MGAT4C: variants seen among roughly 807,000 people sequenced by gnomAD.
MGAT4C encodes the protein MGAT4 family member C.
In MGAT4C, 19 loss-of-function variants were observed where a neutral mutation model predicts 40.1. The ratio of observed to expected loss-of-function variants is 0.47; its 90% confidence interval spans 0.33 to 0.70. The LOEUF (loss-of-function observed/expected upper bound fraction) is 0.70. Ranked by LOEUF, MGAT4C falls within the 30% of genes least tolerant of loss-of-function variation. The pLI, the probability that MGAT4C is intolerant of heterozygous loss-of-function variation, is 0.02. For synonymous variants in MGAT4C, 181 were observed against 187.1 expected (o/e 0.97, Z 0.27); for missense variants, 491 against 563.2 (o/e 0.87, Z 1.30).
intron 1 of MGAT4C, among the ~76,000 whole-genome samples, chr12:86,085,767 C>A (rs1387510686): frequency 1.3e-5 from 2 of 152,084 alleles, no homozygotes; most frequent in African/African-American, 2.4e-5. Context: ...TACATTTATG[C>A]AGCCAACACA....
chr12:86,488,562 T>C (rs1592907975), intron 2 of MGAT4C, among the ~76,000 whole-genome samples: 2 of 152,196 alleles, frequency 1.3e-5, no homozygotes, highest in East Asian at 1.9e-4. Flanking sequence ...ATTTATTCTG[T>C]CCTTTATATA....
At chr12:86,213,780 A>C (rs1309461042) in intron 1 of MGAT4C, among the ~76,000 whole-genome samples, 2 of 152,220 alleles carry the variant, frequency 1.3e-5, no homozygotes, top group East Asian at 3.9e-4. Flanking sequence ...AAGGGGATAG[A>C]CCCATAGTAG....
At chr12:86,362,524 G>T (rs558572569) in intron 3 of MGAT4C, among the ~76,000 whole-genome samples, 1 of 152,154 alleles carries the variant, frequency 6.6e-6, no homozygotes, top group Admixed American at 6.5e-5. Context: ...GTCGGATATT[G>T]TCAGACTGGA....
At chr12:86,386,441 C>T (rs1366923677) in intron 3 of MGAT4C, among the ~76,000 whole-genome samples, 1 of 152,146 alleles carries the variant, frequency 6.6e-6, no homozygotes, top group African/African-American at 2.4e-5. Context: ...ACAGGAAGTG[C>T]TCACTGATGA....
chr12:86,264,636 G>A (rs1419367048), intron 4 of MGAT4C, among the ~76,000 whole-genome samples: 1 of 152,202 alleles, frequency 6.6e-6, no homozygotes, highest in Non-Finnish European at 1.5e-5. Flanking sequence ...GCTCTTGGGG[G>A]CCAGGGACAG....
At chr12:86,335,946 C>A (rs1050517558) in intron 3 of MGAT4C, among the ~76,000 whole-genome samples, 3 of 152,090 alleles carry the variant, frequency 2.0e-5, no homozygotes, top group Non-Finnish European at 2.9e-5. Flanking sequence ...CTTGCTGAAG[C>A]GTCCCACTGC....
intron 1 of MGAT4C, among the ~76,000 whole-genome samples, chr12:86,181,857 A>C (rs2135869165): frequency 6.6e-6 from 1 of 152,140 alleles, no homozygotes; most frequent in South Asian, 2.1e-4. Context: ...TTTTCTGTTA[A>C]AATACATATT....
chr12:86,658,906 C>T (rs11609218), intron 2 of MGAT4C, among the ~76,000 whole-genome samples: 20,378 of 152,040 alleles, frequency 0.13, 2,153 homozygotes, highest in African/African-American at 0.3. Flanking sequence ...GAGTTCACAT[C>T]TTCCCTCTGC....
chr12:86,243,521 A>G (rs1275366484), intron 1 of MGAT4C, among the ~76,000 whole-genome samples: 3 of 152,198 alleles, frequency 2.0e-5, no homozygotes, highest in African/African-American at 7.2e-5. Flanking sequence ...GTAAGATTCC[A>G]TTTTAGCAGA....
Position 85,980,212 on chromosome 12 carries a change from T to C in MGAT4C, c.514A>G (p.Ile172Val). The part of the protein sequence containing the change: ...HHIIAGRLMV[I>V]HAPEEYYPIL... ...GGGTAATACTCCTCTGGAGCATGTA[T>C]AACCATTAATCTTCCTGCAATAATA... Residue 172 changes from isoleucine (I) to valine (V), a missense_variant, in exon 5 of 5, where the codon ATA (isoleucine) becomes GTA (valine). By Grantham distance (29) the Ile-to-Val change is conservative (BLOSUM62 3). Transcript: ENST00000611864. 6.2e-7 allele frequency: 1 copy of C among 1,613,910 alleles called. No homozygotes were observed. The highest frequency in any genetic ancestry group is 8.5e-7 in the Non-Finnish European group (1 of 1,179,872).
At chr12:86,568,780 T>C (rs961745661) in intron 2 of MGAT4C, among the ~76,000 whole-genome samples, 1 of 151,942 alleles carries the variant, frequency 6.6e-6, no homozygotes, top group Non-Finnish European at 1.5e-5. Flanking sequence ...TTTACGTATA[T>C]ACAGACAACT....
intron 2 of MGAT4C, among the ~76,000 whole-genome samples, chr12:86,705,508 G>C (rs1011252443): frequency 6.7e-6 from 1 of 150,074 alleles, no homozygotes; most frequent in African/African-American, 2.5e-5. Flanking sequence ...ATGGATCCCA[G>C]GTAAAGAAAA....
Position 85,980,232 on chromosome 12 carries a change from A to G in MGAT4C, c.494T>C (p.Ile165Thr), listed in dbSNP as rs1884403625. 6.2e-7 allele frequency: 1 copy of G among 1,613,806 alleles called. No individual in the cohort carries two copies. Among genetic ancestry groups the G allele is most frequent in the Non-Finnish European group, 8.5e-7 (1 of 1,179,884 alleles). Residue 165 changes from isoleucine (I) to threonine (T), a missense_variant, in exon 5 of 5, where the codon ATT becomes ACT. Ile to Thr is a moderately conservative substitution (Grantham distance 89). Coordinates refer to ENST00000611864, the MANE Select transcript of MGAT4C (RefSeq NM_001351288.2). ...DITQKFAHHI[I>T]AGRLMVIHAP... ...ATGTATAACCATTAATCTTCCTGCA[A>G]TAATATGGTGCGCAAATTTCTGTGT...
intron 1 of MGAT4C, among the ~76,000 whole-genome samples, chr12:86,736,244 A>T (rs950723509): frequency 6.6e-6 from 1 of 151,840 alleles, no homozygotes; most frequent in African/African-American, 2.4e-5. Flanking sequence ...TGGCTTACTA[A>T]CAATTACTAT....
intron 2 of MGAT4C, among the ~76,000 whole-genome samples, chr12:86,609,751 A>G (rs1962180848): frequency 6.6e-6 from 1 of 151,012 alleles, no homozygotes. Context: ...TTTGAGAAAT[A>G]TGTACAGTTT....
rs545282852 is a variant in MGAT4C, at chr12:86,329,845, C to T, written c.-57+4220G>A. The stretch of plus-strand genomic sequence containing the variant: ...GTTAAAAATTTACAATGGTAAATCC[C>T]CTGCAGATCTCTGCACAGTTTCATA... On this transcript the variant is annotated intron_variant, in intron 4 of 7. Coordinates refer to the MGAT4C transcript ENST00000548651. Among the ~76,000 whole-genome samples the T allele has an allele frequency of 2.6e-5, 4 of 152,220 alleles. No homozygotes were observed. The East Asian group carries it at 7.7e-4, about 29-fold the overall frequency.
intron 3 of MGAT4C, among the ~76,000 whole-genome samples, chr12:86,380,480 A>C (rs911083589): frequency 3.9e-5 from 6 of 152,304 alleles, no homozygotes; most frequent in Middle Eastern, 3.4e-3. Context: ...TGCTGGAATA[A>C]ATTAATGATT....
At chr12:86,763,570 C>T (rs1358091317) in intron 1 of MGAT4C, among the ~76,000 whole-genome samples, 2 of 152,094 alleles carry the variant, frequency 1.3e-5, no homozygotes, top group Non-Finnish European at 2.9e-5. Flanking sequence ...GCTTTGAATA[C>T]TATACAAAAA....
intron 2 of MGAT4C, among the ~76,000 whole-genome samples, chr12:86,449,919 A>G (rs2136286031): frequency 6.6e-6 from 1 of 152,232 alleles, no homozygotes; most frequent in African/African-American, 2.4e-5. Context: ...CTTTTGTGGT[A>G]ATGAAATGCT....
Sources: allele counts gnomAD v4.1 joint callset (sites outside exome capture counted in the v4.1 genomes callset), GRCh38; gene constraint gnomAD v4.1.1; transcripts MANE v1.5; gene names NCBI Gene and HGNC (gene_info 2026-07-23, HGNC 2026-07-21).